The following NEDD4 variants were observed in gnomAD, a reference collection of about 807,000 sequenced individuals.
The protein encoded by NEDD4 is E3 ubiquitin-protein ligase NEDD4.
Under a neutral mutation model 144.9 loss-of-function variants are expected in NEDD4, and 99 were observed. That is an observed-to-expected ratio of 0.68 (90% CI 0.58 to 0.81). The LOEUF (loss-of-function observed/expected upper bound fraction) is 0.81, where lower values mean the gene tolerates loss of function less well. NEDD4 is among the 30% of genes least tolerant of loss of function. NEDD4 has a pLI of 0.00. For synonymous variants in NEDD4, 318 were observed against 350.6 expected, an observed-to-expected ratio of 0.91 and a Z score of 1.04; for missense variants, 985 against 1,065.9, an observed-to-expected ratio of 0.92 and a Z score of 1.06.
intron 5 of NEDD4, among the ~76,000 whole-genome samples, chr15:55,880,374 C>G (rs1365088584): frequency 2.0e-5 from 3 of 151,976 alleles, no homozygotes; most frequent in Admixed American, 6.6e-5. Context: ...GGCACATCAC[C>G]GTGACATTTC....
In NEDD4 at chr15:55,839,973, C is replaced by CAA. The variant is rs1157411288; in HGVS notation, c.2031+472_2031+473dup. On this transcript the variant is annotated intron_variant, in intron 21 of 28. Coordinates refer to ENST00000435532, the MANE Select transcript of NEDD4 (RefSeq NM_006154.4). The stretch of plus-strand genomic sequence containing the variant: ...TTGGCAACAGAGTGACACTCTGTCT[C>CAA]AAAAAAAAAAAAAAAAAAAAAAAAA... Among the ~76,000 whole-genome samples the CAA allele has an allele frequency of 1.7e-3, 20 of 12,092 alleles. 4 individuals are homozygous for CAA. The highest frequency in any genetic ancestry group is 3.8e-3 in the African/African-American group (9 of 2,370). 7.9% of individuals were successfully genotyped at this position (12,092 alleles called of 152,430 possible).
chr15:55,989,740 C>T (rs1379324433), intron 1 of NEDD4, among the ~76,000 whole-genome samples: 1 of 152,160 alleles, frequency 6.6e-6, no homozygotes, highest in Non-Finnish European at 1.5e-5. Context: ...AAGAAAGAAG[C>T]TAATACAGGG....
chr15:55,943,935 G>A (rs769648436), intron 4 of NEDD4, among the ~76,000 whole-genome samples: 7 of 152,208 alleles, frequency 4.6e-5, no homozygotes, highest in African/African-American at 1.2e-4. Flanking sequence ...AAGGCCTTTC[G>A]GAACCCACCC....
intron 1 of NEDD4, among the ~76,000 whole-genome samples, chr15:55,978,321 C>T (rs1478925054): frequency 1.3e-5 from 2 of 152,170 alleles, no homozygotes; most frequent in African/African-American, 4.8e-5. Context: ...AATTGATAAG[C>T]TATACTGATT....
chr15:55,846,565 A>G (rs1384014071), intron 18 of NEDD4, among the ~76,000 whole-genome samples: 1 of 152,172 alleles, frequency 6.6e-6, no homozygotes, highest in Non-Finnish European at 1.5e-5. Context: ...AGAATGAATG[A>G]CTTTCGCTGG....
chr15:55,957,695 C>T (rs1456291750), intron 2 of NEDD4, among the ~76,000 whole-genome samples: 2 of 152,134 alleles, frequency 1.3e-5, no homozygotes. Context: ...CGGCACTATT[C>T]ACAATAGCAA....
intron 4 of NEDD4, among the ~76,000 whole-genome samples, chr15:55,942,519 C>A (rs1007620305): frequency 5.3e-5 from 8 of 152,142 alleles, no homozygotes; most frequent in Admixed American, 6.5e-5. Context: ...CTTCCCCCTT[C>A]ATTCTCCTCC....
chr15:55,947,374 A>G (rs2037136829), intron 4 of NEDD4, among the ~76,000 whole-genome samples: 1 of 152,232 alleles, frequency 6.6e-6, no homozygotes, highest in South Asian at 2.1e-4. Context: ...CCATCAGAGA[A>G]TACTATAAAC....
At chr15:55,851,772 C>T (rs1215393097) in intron 13 of NEDD4, among the ~76,000 whole-genome samples, 3 of 151,820 alleles carry the variant, frequency 2.0e-5, no homozygotes, top group Non-Finnish European at 2.9e-5. Context: ...CCACCTTGCC[C>T]GGCCCAGCAT....
rs2037239977 is a variant in NEDD4, at chr15:55,951,565, T to C, written c.144A>G (p.Leu48=). The C allele has an allele frequency of 1.3e-6, 2 of 1,520,356 alleles. No individual in the cohort carries two copies. Among genetic ancestry groups the C allele is most frequent in the South Asian group, 1.3e-5 (1 of 77,052 alleles). The allele number at this position is 1,520,356 out of a possible 1,614,324, so 94.2% of individuals were successfully genotyped here. A position where few individuals can be genotyped will look rare whatever the true frequency, so the allele number is the denominator to read the frequency against. Residue 48 remains leucine (L), a synonymous_variant, in exon 3 of 29, where the codon TTA becomes TTG. Transcript: ENST00000435532. The part of the protein sequence containing the change: ...GASDPYVRVT[L]YDPMNGVLTS... Reference sequence around the variant, plus strand: ...TAAGAACTCCATTCATTGGGTCATATAACGTCACTCTCACGTAAGGATCAC... The same window carrying C: ...TAAGAACTCCATTCATTGGGTCATACAACGTCACTCTCACGTAAGGATCAC...
intron 2 of NEDD4, among the ~76,000 whole-genome samples, chr15:55,954,546 T>C (rs2037302866): frequency 6.6e-6 from 1 of 151,964 alleles, no homozygotes; most frequent in Admixed American, 6.6e-5. Flanking sequence ...TTTTTTGAGA[T>C]GGAGTTTCAC....
chr15:55,978,693 C>G (rs2142351503), intron 1 of NEDD4, among the ~76,000 whole-genome samples: 1 of 152,298 alleles, frequency 6.6e-6, no homozygotes, highest in Middle Eastern at 3.4e-3. Flanking sequence ...CTTCCAAACT[C>G]ATGAGTAAAG....
rs2033766825 is a variant in NEDD4 at position 55,846,832 on chromosome 15, G to A, written c.1608+137C>T. The stretch of plus-strand genomic sequence containing the variant: ...TATATCACAGCTACTCAAAAAATGA[G>A]CATCCTTTCTCTAGGAAAAACTGTT... On this transcript the variant is annotated intron_variant, in intron 18 of 28. Coordinates refer to ENST00000435532, the MANE Select transcript of NEDD4 (RefSeq NM_006154.4). The A allele has an allele frequency of 3.4e-5, 17 of 506,452 alleles. 1 individual carries two copies. The South Asian group carries it at 5.1e-4, about 15-fold the overall frequency. 31.4% of individuals were successfully genotyped at this position (506,452 alleles called of 1,614,324 possible).
Position 55,848,871 on chromosome 15 carries a change from T to A in NEDD4, c.1363A>T (p.Lys455Ter), listed in dbSNP as rs2033862997. 1 of 1,613,556 alleles carries A rather than the reference T, an allele frequency of 6.2e-7. No individual in the cohort carries two copies. The highest frequency in any genetic ancestry group is 1.3e-5 in the African/African-American group (1 of 74,924). The change falls in exon 15 of 29, where the codon AAA (lysine) becomes TAA (stop). Residue 455 changes from lysine (K) to a stop codon, truncating the protein, a stop_gained. Coordinates refer to ENST00000435532, the MANE Select transcript of NEDD4 (RefSeq NM_006154.4). LOFTEE classifies it high-confidence loss of function. Reference protein sequence around the residue: ...KTTTWEDPRLKIPAHLRGKTS... With the variant: ...KTTTWEDPRL Reference sequence around the variant, plus strand: ...TTTCCTCTCAGATGGGCTGGAATTTTCAATCTTGGATCTTCCTTTTTTGGT... The same window carrying A: ...TTTCCTCTCAGATGGGCTGGAATTTACAATCTTGGATCTTCCTTTTTTGGT...
In NEDD4 at chr15:55,876,907, C is replaced by A. The variant is rs576398096; in HGVS notation, c.292-2899G>T. Among the ~76,000 whole-genome samples, 5 of 146,676 alleles carry A rather than the reference C, an allele frequency of 3.4e-5. No individual in the cohort carries two copies. The East Asian group carries it at 9.9e-4, about 29-fold the overall frequency. ...TTTTAAAGAGATGGAGTCTTGCCATCTTACGCAGGATGGTCTCAAACTCCT... is the reference window on the plus strand; with the variant it reads ...TTTTAAAGAGATGGAGTCTTGCCATATTACGCAGGATGGTCTCAAACTCCT... On this transcript the variant is annotated intron_variant, in intron 5 of 28. Transcript: ENST00000435532.
intron 1 of NEDD4, among the ~76,000 whole-genome samples, chr15:55,967,472 G>GTA (rs1250298632): frequency 6.7e-6 from 1 of 150,290 alleles, no homozygotes; most frequent in Non-Finnish European, 1.5e-5. Context: ...GTGTGTGTGT[G>GTA]TGTATGTGTG....
intron 4 of NEDD4, among the ~76,000 whole-genome samples, chr15:55,946,926 G>T (rs76006755): frequency 0.13 from 20,437 of 152,138 alleles, 1,496 homozygotes; most frequent in East Asian, 0.32. Flanking sequence ...ATAACGAAAT[G>T]AAGGCAGAAA....
At chr15:55,892,921 T>C (rs1205906857) in intron 5 of NEDD4, among the ~76,000 whole-genome samples, 2 of 152,166 alleles carry the variant, frequency 1.3e-5, no homozygotes, top group Non-Finnish European at 2.9e-5. Flanking sequence ...CAATCTAAAT[T>C]CAGACTGACA....
At chr15:55,925,324 T>A (rs1300773884) in intron 4 of NEDD4, among the ~76,000 whole-genome samples, 1 of 152,216 alleles carries the variant, frequency 6.6e-6, no homozygotes, top group Non-Finnish European at 1.5e-5. Flanking sequence ...CAGATTAGAT[T>A]TTGACACCTT....
Sources: allele counts gnomAD v4.1 joint callset (sites outside exome capture counted in the v4.1 genomes callset), GRCh38; gene constraint gnomAD v4.1.1; transcripts MANE v1.5; gene names NCBI Gene and HGNC (gene_info 2026-07-23, HGNC 2026-07-21).